The following ROR1 variants were observed in gnomAD, a reference collection of about 807,000 sequenced individuals.
ROR1 encodes the protein inactive tyrosine-protein kinase transmembrane receptor ROR1.
ROR1 carries 19 observed loss-of-function variants against 78.8 expected under a neutral mutation model. That is an observed-to-expected ratio of 0.24 (90% CI 0.17 to 0.35). The LOEUF (loss-of-function observed/expected upper bound fraction) is 0.35, where lower values mean the gene tolerates loss of function less well. ROR1 is among the 10% of genes least tolerant of loss of function. ROR1 has a pLI of 1.00. For missense variants in ROR1, 917 were observed against 1,177.8 expected (o/e 0.78, Z 3.24); for synonymous variants, 386 against 433.6 (o/e 0.89, Z 1.36).
chr1:63,964,719 G>T (rs1416708785), intron 1 of ROR1, among the ~76,000 whole-genome samples: 2 of 152,146 alleles, frequency 1.3e-5, no homozygotes, highest in Non-Finnish European at 2.9e-5. Context: ...TCAGCAGTGG[G>T]GCAGTTTTGA....
At chr1:64,167,717 T>G (rs982156960) in intron 8 of ROR1, among the ~76,000 whole-genome samples, 1 of 152,196 alleles carries the variant, frequency 6.6e-6, no homozygotes, top group African/African-American at 2.4e-5. Flanking sequence ...TACATCTATA[T>G]ACTCTCCAGG....
chr1:64,145,316 A>G (rs1039882420), intron 7 of ROR1, among the ~76,000 whole-genome samples: 3 of 152,220 alleles, frequency 2.0e-5, no homozygotes, highest in African/African-American at 7.2e-5. Context: ...TTAAAAAATT[A>G]CTAAAGAAAT....
At chr1:63,830,091 G>A (rs1291247012) in intron 1 of ROR1, among the ~76,000 whole-genome samples, 1 of 152,086 alleles carries the variant, frequency 6.6e-6, no homozygotes, top group East Asian at 1.9e-4. Context: ...CATGGGTAAC[G>A]CTAGAGACAT....
rs575157498 is a variant in ROR1, at chr1:63,832,337, C to A, written c.91+57829C>A. Among the ~76,000 whole-genome samples, 7 of 152,304 alleles carry A rather than the reference C, an allele frequency of 4.6e-5. 1 individual carries two copies. The South Asian group carries it at 1.2e-3, about 27-fold the overall frequency. On this transcript the variant is annotated intron_variant, in intron 1 of 8. Transcript: ENST00000371079. ...TTTTCTGTGTTAGTCTGTTTTCACA[C>A]TGTTATAAAGAACTGCCTGAGACTG... is the stretch of plus-strand genomic sequence containing the variant.
At chr1:64,079,251 C>T (rs562923583) in intron 4 of ROR1, among the ~76,000 whole-genome samples, 1 of 152,290 alleles carries the variant, frequency 6.6e-6, no homozygotes, top group South Asian at 2.1e-4. Flanking sequence ...GTAAGTAGCA[C>T]TATCCAGCAA....
At chr1:63,879,667 A>G (rs1260495836) in intron 1 of ROR1, among the ~76,000 whole-genome samples, 1 of 152,168 alleles carries the variant, frequency 6.6e-6, no homozygotes, top group Non-Finnish European at 1.5e-5. Context: ...TCTTATAGTG[A>G]AGAGATGTTT....
intron 7 of ROR1, among the ~76,000 whole-genome samples, chr1:64,155,053 A>G (rs1161797233): frequency 6.6e-6 from 1 of 152,184 alleles, no homozygotes; most frequent in Non-Finnish European, 1.5e-5. Flanking sequence ...TTAGTAATAT[A>G]ATTTACTAGA....
At chr1:63,907,460 T>G (rs917409866) in intron 1 of ROR1, among the ~76,000 whole-genome samples, 2 of 152,226 alleles carry the variant, frequency 1.3e-5, no homozygotes, top group African/African-American at 4.8e-5. Context: ...ACATTACACT[T>G]AAGTGGTAGC....
intron 4 of ROR1, among the ~76,000 whole-genome samples, chr1:64,073,682 A>G (rs1278863505): frequency 6.6e-6 from 1 of 152,228 alleles, no homozygotes; most frequent in East Asian, 1.9e-4. Flanking sequence ...AGATCATTTG[A>G]AGATGGATTA....
chr1:64,075,765 T>C (rs1335373813), intron 4 of ROR1, among the ~76,000 whole-genome samples: 1 of 152,226 alleles, frequency 6.6e-6, no homozygotes, highest in African/African-American at 2.4e-5. Flanking sequence ...TAAGTAATGC[T>C]ACACTCCACA....
chr1:64,093,183 T>A (rs2100646437), intron 4 of ROR1, among the ~76,000 whole-genome samples: 1 of 152,272 alleles, frequency 6.6e-6, no homozygotes, highest in East Asian at 1.9e-4. Flanking sequence ...TGTGTTGGGT[T>A]TGTTTTCTGG....
chr1:64,134,595 A>T, intron 4 of ROR1, among the ~76,000 whole-genome samples: 1 of 152,138 alleles, frequency 6.6e-6, no homozygotes, highest in East Asian at 1.9e-4. Context: ...GGTTTTTTTC[A>T]GTGTTGTGGT....
chr1:63,863,804 TCATAGA>T (rs1645198275), intron 1 of ROR1, among the ~76,000 whole-genome samples: 5 of 120,922 alleles, frequency 4.1e-5, no homozygotes, highest in African/African-American at 1.6e-4. Context: ...TTGTATTGTA[TCATAGA>T]TGGCGATACT....
At chr1:63,879,157 G>A (rs1645307577) in intron 1 of ROR1, among the ~76,000 whole-genome samples, 3 of 152,066 alleles carry the variant, frequency 2.0e-5, no homozygotes, top group Admixed American at 2.0e-4. Flanking sequence ...AGTCTCATAA[G>A]GAAGGCAGAA....
intron 1 of ROR1, among the ~76,000 whole-genome samples, chr1:63,961,355 A>C (rs1646026103): frequency 6.6e-6 from 1 of 152,224 alleles, no homozygotes; most frequent in African/African-American, 2.4e-5. Context: ...AAAGGAAACA[A>C]AATCAGTACA....
Position 63,796,609 on chromosome 1 carries a change from T to C in ROR1, c.91+22101T>C, listed in dbSNP as rs1196790699. The stretch of plus-strand genomic sequence containing the variant: ...TACATAAAATGGGTGTATCATCTCT[T>C]ACCCTTTAAAAGTTTGTACTTTGTG... On this transcript the variant is annotated intron_variant, in intron 1 of 8. Transcript: ENST00000371079. Among the ~76,000 whole-genome samples the C allele has an allele frequency of 3.3e-5, 5 of 152,248 alleles. No individual in the cohort carries two copies. In the South Asian group the frequency reaches 1.0e-3, roughly 32 times the overall value.
In ROR1 at chr1:63,787,476, T is replaced by TCCTGCCTTCCTGCCTTCCTG. The variant is rs1553131691; in HGVS notation, c.91+12971_91+12972insGCCTTCCTGCCTTCCTGCCT. ...TTCCTTCCTTCCTTCCTTCCTTCCTTCCTTCCTGCCTTCCTGCCTTCCTGA... is the reference window on the plus strand; with the variant it reads ...TTCCTTCCTTCCTTCCTTCCTTCCTTCCTGCCTTCCTGCCTTCCTGCCTTCCTGCCTTCCTGCCTTCCTGA... On this transcript the variant is annotated intron_variant, in intron 1 of 8. Transcript: ENST00000371079. 1.7e-3 allele frequency among the ~76,000 whole-genome samples: 223 copies of TCCTGCCTTCCTGCCTTCCTG among 132,542 alleles called. 2 individuals are homozygous for TCCTGCCTTCCTGCCTTCCTG. The highest frequency in any genetic ancestry group is 6.5e-3 in the African/African-American group (213 of 33,002). The allele number at this position is 132,542 out of a possible 152,430, so 87.0% of individuals were successfully genotyped here. A position where few individuals can be genotyped will look rare whatever the true frequency, so the allele number is the denominator to read the frequency against.
intron 1 of ROR1, among the ~76,000 whole-genome samples, chr1:63,968,562 ACAC>A (rs1164357420): frequency 2.0e-4 from 31 of 152,188 alleles, no homozygotes; most frequent in Admixed American, 2.0e-3. Flanking sequence ...CTGGTAATAA[ACAC>A]CAAAAATGTC....
intron 1 of ROR1, among the ~76,000 whole-genome samples, chr1:63,954,708 A>G (rs1645967634): frequency 6.6e-6 from 1 of 152,206 alleles, no homozygotes; most frequent in South Asian, 2.1e-4. Context: ...TTTACATGAA[A>G]TTAACATTGT....
Sources: gnomAD v4.1 joint callset for allele counts (sites outside exome capture counted in the v4.1 genomes callset) on GRCh38, gnomAD v4.1.1 for gene constraint, MANE v1.5 for transcripts, NCBI Gene and HGNC (gene_info 2026-07-23, HGNC 2026-07-21) for gene names.